The following LINGO1 variants were observed in gnomAD, a reference collection of about 807,000 sequenced individuals.
The protein encoded by LINGO1 is leucine-rich repeat and immunoglobulin-like domain-containing nogo receptor-interacting protein 1.
A neutral mutation model predicts 37.3 loss-of-function variants in LINGO1; 11 were observed. That is an observed-to-expected ratio of 0.29 (90% CI 0.19 to 0.49). The LOEUF is 0.49. LINGO1 is among the 20% of genes least tolerant of loss of function. LINGO1 has a pLI of 0.99. For missense variants in LINGO1, 585 were observed against 878.2 expected (o/e 0.67, Z 4.22); for synonymous variants, 387 against 403.0 (o/e 0.96, Z 0.48).
At chr15:77,789,080 G>A (rs1454708555), upstream of LINGO1, among the ~76,000 whole-genome samples, 2 of 151,146 alleles carry the variant, frequency 1.3e-5, no homozygotes, top group South Asian at 2.1e-4. Context: ...GCTCACCACC[G>A]CCAAGGCTGC....
upstream of LINGO1, among the ~76,000 whole-genome samples, chr15:77,636,909 T>G (rs1596025925): frequency 6.6e-6 from 1 of 152,088 alleles, no homozygotes; most frequent in Non-Finnish European, 1.5e-5. Flanking sequence ...GCTGGTGCAC[T>G]GTGGAGGCCA....
intron 1 of LINGO1, among the ~76,000 whole-genome samples, chr15:77,625,042 G>A (rs1038540550): frequency 6.6e-6 from 1 of 152,178 alleles, no homozygotes; most frequent in Non-Finnish European, 1.5e-5. Flanking sequence ...CCTTCCTGGG[G>A]CCCCCAGGGG....
intron 2 of LINGO1, among the ~76,000 whole-genome samples, chr15:77,712,338 C>T (rs911031623): frequency 9.9e-5 from 15 of 152,064 alleles, no homozygotes; most frequent in African/African-American, 3.6e-4. Flanking sequence ...ACTGCCCTTC[C>T]GCCCTCACTG....
At chr15:77,652,500 G>GTGTGTGTGTGTC (rs2074782407) in intron 3 of LINGO1, among the ~76,000 whole-genome samples, 1 of 150,166 alleles carries the variant, frequency 6.7e-6, no homozygotes, top group Admixed American at 6.6e-5. Context: ...GTGTGTGTGT[G>GTGTGTGTGTGTC]TGTGTGTGTG....
At chr15:77,699,877 GT>G (rs757531401), upstream of LINGO1, among the ~76,000 whole-genome samples, 1 of 151,660 alleles carries the variant, frequency 6.6e-6, no homozygotes. Flanking sequence ...TATGGGCTAA[GT>G]TTACCTGCTA....
chr15:77,727,320 C>T (rs1394834069), intron 2 of LINGO1, among the ~76,000 whole-genome samples: 1 of 152,062 alleles, frequency 6.6e-6, no homozygotes, highest in East Asian at 1.9e-4. Context: ...TCACAATAGC[C>T]AAGAGATGGA....
chr15:77,772,543 C>T (rs2076596261), intron 1 of LINGO1, among the ~76,000 whole-genome samples: 1 of 152,086 alleles, frequency 6.6e-6, no homozygotes, highest in Admixed American at 6.5e-5. Flanking sequence ...TTGGCTTCCG[C>T]TGTCAACGCC....
At chr15:77,786,193 C>A (rs1363500209) in intron 1 of LINGO1, among the ~76,000 whole-genome samples, 1 of 152,222 alleles carries the variant, frequency 6.6e-6, no homozygotes, top group Non-Finnish European at 1.5e-5. Context: ...CTGGGCCCAG[C>A]AGGTTCACCT....
chr15:77,697,782 C>T (rs544987806), upstream of LINGO1, among the ~76,000 whole-genome samples: 14 of 152,206 alleles, frequency 9.2e-5, no homozygotes, highest in East Asian at 1.7e-3. Context: ...GAAAGGCTTC[C>T]GGGATGAAAG....
chr15:77,802,037 G>T (rs1442034425), intron 1 of LINGO1, among the ~76,000 whole-genome samples: 2 of 152,188 alleles, frequency 1.3e-5, no homozygotes, highest in African/African-American at 2.4e-5. Context: ...GGGCTTCAAG[G>T]CTCCAGTGCT....
At position 77,762,476 on chromosome 15, in the gene LINGO1, T is replaced by G. The variant is rs184840605; in HGVS notation, c.-257+24393A>C. ...TCCTAGCCAGGCCCTCAGAGTAAGA[T>G]GGAGTGAGGCCCTAAGAGGAGCAGA... On this transcript the variant is annotated intron_variant, in intron 1 of 3. Transcript: ENST00000561686. 3.8e-3 allele frequency among the ~76,000 whole-genome samples: 575 copies of G among 152,146 alleles called. 5 individuals carry two copies. Among genetic ancestry groups the G allele is most frequent in the African/African-American group, 0.013 (551 of 41,516 alleles).
chr15:77,639,970 G>A (rs1022658604), intron 3 of LINGO1, among the ~76,000 whole-genome samples: 4 of 152,082 alleles, frequency 2.6e-5, no homozygotes, highest in Non-Finnish European at 5.9e-5. Context: ...TCAGCAACCC[G>A]CTCAATCCTC....
intron 1 of LINGO1, among the ~76,000 whole-genome samples, chr15:77,739,621 C>T (rs1354310642): frequency 6.6e-6 from 1 of 152,210 alleles, no homozygotes; most frequent in Non-Finnish European, 1.5e-5. Context: ...CCCTACCTCC[C>T]AGGCCCCTGC....
chr15:77,738,810 AGG>A (rs1316719768), intron 1 of LINGO1, among the ~76,000 whole-genome samples: 4 of 151,882 alleles, frequency 2.6e-5, no homozygotes, highest in Non-Finnish European at 5.9e-5. Context: ...GAAGGAAGGA[AGG>A]AAAGAAGGAA....
At chr15:77,650,640 G>A (rs2074739950) in intron 3 of LINGO1, among the ~76,000 whole-genome samples, 1 of 152,222 alleles carries the variant, frequency 6.6e-6, no homozygotes, top group Non-Finnish European at 1.5e-5. Context: ...GAAGAGGGCA[G>A]ACTGGAGTTG....
chr15:77,683,177 G>C (rs1351920323), intron 2 of LINGO1, among the ~76,000 whole-genome samples: 2 of 152,206 alleles, frequency 1.3e-5, no homozygotes, highest in African/African-American at 4.8e-5. Flanking sequence ...GGAGACCATA[G>C]TGAGATATTT....
intron 1 of LINGO1, among the ~76,000 whole-genome samples, chr15:77,692,514 T>G (rs531742818): frequency 2.7e-4 from 41 of 152,110 alleles, no homozygotes; most frequent in Non-Finnish European, 4.4e-4. Flanking sequence ...AAGGAAAAGG[T>G]TTTTTAAAAA....
At chr15:77,701,211 T>C (rs889785665), upstream of LINGO1, among the ~76,000 whole-genome samples, 2 of 152,072 alleles carry the variant, frequency 1.3e-5, no homozygotes, top group African/African-American at 4.8e-5. Context: ...GACACAGGAA[T>C]TGGGTGCATC....
At position 77,614,983 on chromosome 15, in the gene LINGO1, A is replaced by G. The variant is rs1293960883; in HGVS notation, c.924T>C (p.His308=). ...GGATCTCCTGCAGCCGGAGCAGCTC[A>G]TGCAACATGGAGCCCTCAATGGTGC... ...PISTIEGSML[H]ELLRLQEIQL... The change falls in exon 2 of 2, where the codon CAT becomes CAC. Residue 308 remains histidine (H), a synonymous_variant. Coordinates refer to ENST00000355300, the MANE Select transcript of LINGO1 (RefSeq NM_032808.7). 2.5e-6 allele frequency: 4 copies of G among 1,613,874 alleles called. No individual in the cohort carries two copies. The highest frequency in any genetic ancestry group is 3.4e-6 in the Non-Finnish European group (4 of 1,179,892).
Sources: gnomAD v4.1 joint callset for allele counts (sites outside exome capture counted in the v4.1 genomes callset) on GRCh38, gnomAD v4.1.1 for gene constraint, MANE v1.5 for transcripts, NCBI Gene and HGNC (gene_info 2026-07-23, HGNC 2026-07-21) for gene names.